MRPL24: variants seen among roughly 807,000 people sequenced by gnomAD.
MRPL24 encodes the protein large ribosomal subunit protein uL24m.
Under a neutral mutation model 26.9 loss-of-function variants are expected in MRPL24, and 15 were observed. The observed-to-expected ratio is 0.56, with a 90% CI of 0.37 to 0.86. The LOEUF (loss-of-function observed/expected upper bound fraction) is 0.86, where lower values mean the gene tolerates loss of function less well. Ranked by LOEUF, MRPL24 falls within the 40% of genes least tolerant of loss-of-function variation. The probability of loss-of-function intolerance (pLI) is 0.00; values close to 1 mark genes in which losing one functional copy is unlikely to be tolerated. For missense variants in MRPL24, 241 were observed against 281.4 expected (o/e 0.86, Z 1.03); for synonymous variants, 92 against 102.4 (o/e 0.90, Z 0.62).
In MRPL24 at chr1:156,738,652, TG is replaced by T. The variant is rs760797871; in HGVS notation, c.52del (p.His18IlefsTer6). ...TGGGGGGCTCATCCCATAGCGGTAA[TG>T]GGGGGGCAGAGTGACCTTGGATGCC... ...ALASKVTLPP[H>X]YRYGMSPPGS... On this transcript the variant is annotated frameshift_variant, in exon 2 of 6. Transcript: ENST00000361531. LOFTEE classifies it high-confidence loss of function. 6.2e-7 allele frequency: 1 copy of T among 1,601,714 alleles called. No homozygotes were observed. The highest frequency in any genetic ancestry group is 1.1e-5 in the South Asian group (1 of 89,220).
chr1:156,738,844 A>G (rs1232100104), intron 1 of MRPL24, 80 bp from the exon 2 acceptor site: 1 of 669,318 alleles, frequency 1.5e-6, no homozygotes, highest in African/African-American at 1.8e-5. Context: ...TGCTCAATGG[A>G]CCTCATCACA....
rs1649939429 is a variant in MRPL24 at position 156,738,029 on chromosome 1, G to A, written c.383+2C>T. ...CCCTCTGCCCAGAGCCCCGTTGCTT[G>A]CCTGTCCATAGGATCCACAAGTTTG... On this transcript the variant is annotated splice_donor_variant, in intron 4 of 5. Coordinates refer to ENST00000361531, the MANE Select transcript of MRPL24 (RefSeq NM_145729.3). LOFTEE classifies it low-confidence loss of function (GC_TO_GT_DONOR). 3 of 1,613,868 alleles carry A rather than the reference G, an allele frequency of 1.9e-6. No homozygotes were observed. In the East Asian group the frequency reaches 6.7e-5, roughly 36 times the overall value.
intron 1 of MRPL24, chr1:156,740,549 C>CT (rs1650050526): frequency 6.6e-6 from 1 of 152,260 alleles, no homozygotes; most frequent in African/African-American, 2.4e-5. Context: ...CGTAAAGTCC[C>CT]TTTTACAGAC....
chr1:156,738,340 T>G lies in MRPL24; in HGVS notation c.279+3A>C, dbSNP rs765872616. 1.1e-5 allele frequency: 18 copies of G among 1,613,832 alleles called. No individual in the cohort carries two copies. The Admixed American group carries it at 2.8e-4, about 25-fold the overall frequency. ...AGCATCCCCATCCCCTCTCTCAACTTACTGTGTTCAGCCCTCCCACGACCA... is the reference window on the plus strand; with the variant it reads ...AGCATCCCCATCCCCTCTCTCAACTGACTGTGTTCAGCCCTCCCACGACCA... On this transcript the variant is annotated splice_donor_region_variant and intron_variant, in intron 3 of 5. Transcript: ENST00000361531.
In MRPL24 at chr1:156,738,767, G is replaced by A; in HGVS notation, c.-60-3C>T. ...GCTCGAAACCTTCCTTGTCAGCTCT[G>A]GGCAGATGGATAGAAACGGGAACAA... On this transcript the variant is annotated splice_polypyrimidine_tract_variant and splice_region_variant and intron_variant, in intron 1 of 5. Transcript: ENST00000361531. 1 of 1,472,614 alleles carries A rather than the reference G, an allele frequency of 6.8e-7. No homozygotes were observed. Among genetic ancestry groups the A allele is most frequent in the South Asian group, 1.3e-5 (1 of 74,246 alleles). 91.2% of individuals were successfully genotyped at this position (1,472,614 alleles called of 1,614,324 possible). A position where few individuals can be genotyped will look rare whatever the true frequency, so the allele number is the denominator to read the frequency against.
At chr1:156,738,312 C>T in intron 3 of MRPL24, 31 bp downstream of exon 3, 1 of 1,604,596 alleles carries the variant, frequency 6.2e-7, no homozygotes, top group Non-Finnish European at 8.5e-7. Context: ...GACAGGCTTC[C>T]TGAGCATCCC....
rs1170012939 is a variant in MRPL24, at chr1:156,737,796, A to C, written c.384-20T>G. 1.2e-6 allele frequency: 2 copies of C among 1,612,410 alleles called. No homozygotes were observed. The highest frequency in any genetic ancestry group is 2.7e-5 in the African/African-American group (2 of 74,806). ...GGTTTCCTGGTGGATAGAAGAGGTG[A>C]GCCTGGCCTACGAGCCAGGCTTCCT... On this transcript the variant is annotated intron_variant, in intron 4 of 5. Coordinates refer to ENST00000361531, the MANE Select transcript of MRPL24 (RefSeq NM_145729.3).
intron 4 of MRPL24, 99 bp from the exon 5 acceptor site, chr1:156,737,875 C>G: frequency 6.6e-7 from 1 of 1,525,760 alleles, no homozygotes; most frequent in Non-Finnish European, 8.9e-7. Flanking sequence ...GTTACCACCG[C>G]GTTTCTCCAC....
Position 156,740,008 on chromosome 1 carries a change from A to G in MRPL24, c.-61+1004T>C, listed in dbSNP as rs370433452. On this transcript the variant is annotated intron_variant, in intron 1 of 5. Transcript: ENST00000361531. ...AATTTCAGTTTCATCATCCATAAAC[A>G]TTTACAGGGTTGTGGGTGTCATTTA... is the stretch of plus-strand genomic sequence containing the variant. 1.1e-4 allele frequency among the ~76,000 whole-genome samples: 17 copies of G among 152,314 alleles called. No homozygotes were observed. The East Asian group carries it at 1.7e-3, about 16-fold the overall frequency.
At chr1:156,741,873 TA>T (rs1558028720), upstream of MRPL24, among the ~76,000 whole-genome samples, 1 of 151,968 alleles carries the variant, frequency 6.6e-6, no homozygotes, top group African/African-American at 2.4e-5. Context: ...AACCCTTTTT[TA>T]AAAAAAACTT....
chr1:156,741,427 G>C (rs1296815504), upstream of MRPL24: 1 of 152,226 alleles, frequency 6.6e-6, no homozygotes, highest in Non-Finnish European at 1.5e-5. Context: ...AAGGCAAAGG[G>C]CCGCCCTTTC....
At chr1:156,739,803 A>G (rs1331934996) in intron 1 of MRPL24, among the ~76,000 whole-genome samples, 2 of 152,028 alleles carry the variant, frequency 1.3e-5, no homozygotes, top group East Asian at 3.9e-4. Context: ...CTAGGATTAC[A>G]GGCATGTGCC....
upstream of MRPL24, among the ~76,000 whole-genome samples, chr1:156,741,889 A>C (rs1650143959): frequency 6.6e-6 from 1 of 150,668 alleles, no homozygotes; most frequent in Non-Finnish European, 1.5e-5. Flanking sequence ...AAACTTTCCC[A>C]GGTGCGTTAA....
intron 4 of MRPL24, 23 bp downstream of exon 4, chr1:156,738,008 C>T: frequency 6.2e-7 from 1 of 1,610,328 alleles, no homozygotes; most frequent in Non-Finnish European, 8.5e-7. Flanking sequence ...GAGAAACCCT[C>T]TGCCCAGAGC....
At chr1:156,739,781 C>T (rs1297701579) in intron 1 of MRPL24, among the ~76,000 whole-genome samples, 1 of 152,012 alleles carries the variant, frequency 6.6e-6, no homozygotes, top group Non-Finnish European at 1.5e-5. Context: ...CCTGCCTCAG[C>T]CTCCTGAATA....
upstream of MRPL24, among the ~76,000 whole-genome samples, chr1:156,741,772 T>C (rs1448149803): frequency 6.6e-6 from 1 of 152,198 alleles, no homozygotes; most frequent in Non-Finnish European, 1.5e-5. Context: ...GGGGTCAAAT[T>C]GTTTATACAA....
chr1:156,741,076 A>C lies in MRPL24; in HGVS notation c.-125T>G, dbSNP rs1008936789. On this transcript the variant is annotated 5_prime_UTR_variant, in exon 1 of 6. Coordinates refer to ENST00000361531, the MANE Select transcript of MRPL24 (RefSeq NM_145729.3). ...ACCTCCACTTTCCGCGGCACTTCGG[A>C]TTTTCAGCACATGGGCCCTCAGCGT... The C allele has an allele frequency of 6.6e-6, 1 of 151,976 alleles. No individual in the cohort carries two copies. The highest frequency in any genetic ancestry group is 1.5e-5 in the Non-Finnish European group (1 of 68,034). The allele number at this position is 151,976 out of a possible 1,614,324, so 9.4% of individuals were successfully genotyped here. A position where few individuals can be genotyped will look rare whatever the true frequency, so the allele number is the denominator to read the frequency against.
chr1:156,737,948 G>C, intron 4 of MRPL24, 83 bp downstream of exon 4: 1 of 1,468,344 alleles, frequency 6.8e-7, no homozygotes, highest in South Asian at 1.2e-5. Context: ...AATTTCCAGA[G>C]CATCCAACCC....
At chr1:156,739,819 G>A (rs1389823431) in intron 1 of MRPL24, among the ~76,000 whole-genome samples, 1 of 151,942 alleles carries the variant, frequency 6.6e-6, no homozygotes, top group Non-Finnish European at 1.5e-5. Context: ...GTGCCACCAT[G>A]ACCCGCTAAT....
Sources: allele counts gnomAD v4.1 joint callset (sites outside exome capture counted in the v4.1 genomes callset), GRCh38; gene constraint gnomAD v4.1.1; transcripts MANE v1.5; gene names NCBI Gene and HGNC (gene_info 2026-07-23, HGNC 2026-07-21).